OTUD4: variants seen among roughly 807,000 people sequenced by gnomAD.
OTUD4 encodes OTU domain-containing protein 4.
Under a neutral mutation model 130.4 loss-of-function variants are expected in OTUD4, and 24 were observed. The ratio of observed to expected loss-of-function variants is 0.18; its 90% CI spans 0.13 to 0.26. OTUD4 has a LOEUF of 0.26. Ranked by LOEUF, OTUD4 falls within the 10% of genes least tolerant of loss-of-function variation. OTUD4 has a pLI of 1.00. For missense variants in OTUD4, 1,031 were observed against 1,329.4 expected, an observed-to-expected ratio of 0.78 and a Z score of 3.49; for synonymous variants, 420 against 472.5, an observed-to-expected ratio of 0.89 and a Z score of 1.44.
In OTUD4 at chr4:145,143,460, A is replaced by C; in HGVS notation, c.1603-15T>G. 6.5e-7 allele frequency: 1 copy of C among 1,527,874 alleles called. No homozygotes were observed. The highest frequency in any genetic ancestry group is 1.7e-4 in the Middle Eastern group (1 of 5,800). 94.6% of individuals were successfully genotyped at this position (1,527,874 alleles called of 1,614,324 possible). ...TCAGTAATATTCTTTGGAAGCAAAAAAGAAGCAAAGTTTTGTATTTCAGAG... is the reference window on the plus strand; with the variant it reads ...TCAGTAATATTCTTTGGAAGCAAAACAGAAGCAAAGTTTTGTATTTCAGAG... On this transcript the variant is annotated splice_polypyrimidine_tract_variant and intron_variant, in intron 16 of 20. Transcript: ENST00000447906.
chr4:145,155,156 T>C (rs1751227367), intron 10 of OTUD4, among the ~76,000 whole-genome samples: 2 of 152,224 alleles, frequency 1.3e-5, no homozygotes, highest in Non-Finnish European at 2.9e-5. Context: ...TTGAACCAAG[T>C]AATACCAAAG....
chr4:145,163,118 AATC>A (rs1289836278), intron 5 of OTUD4, among the ~76,000 whole-genome samples: 1 of 152,222 alleles, frequency 6.6e-6, no homozygotes. Context: ...TGATTTTCTA[AATC>A]ATCACTTATA....
intron 3 of OTUD4, among the ~76,000 whole-genome samples, chr4:145,165,844 G>A (rs1420079693): frequency 6.6e-6 from 1 of 152,158 alleles, no homozygotes; most frequent in Non-Finnish European, 1.5e-5. Flanking sequence ...CCTGGCACAT[G>A]GTATAAGCTC....
intron 6 of OTUD4, among the ~76,000 whole-genome samples, chr4:145,161,848 C>G (rs1262395597): frequency 6.6e-6 from 1 of 152,186 alleles, no homozygotes; most frequent in Non-Finnish European, 1.5e-5. Context: ...TCAAGCTATA[C>G]ACTAACAGTT....
chr4:145,157,610 C>T (rs960571623), intron 7 of OTUD4, among the ~76,000 whole-genome samples: 3 of 144,164 alleles, frequency 2.1e-5, no homozygotes, highest in African/African-American at 7.8e-5. Flanking sequence ...CTTGAACCCG[C>T]GAGGCGGAGG....
At chr4:145,158,631 C>A (rs1018233381) in intron 7 of OTUD4, among the ~76,000 whole-genome samples, 4 of 152,116 alleles carry the variant, frequency 2.6e-5, no homozygotes, top group Non-Finnish European at 4.4e-5. Context: ...GTGTAACATA[C>A]CAAGTACAAT....
rs1279025799 is a variant in OTUD4, at chr4:145,136,241, G to A, written c.*1189C>T. 6.6e-6 allele frequency: 1 copy of A among 152,408 alleles called. No individual in the cohort carries two copies. 9.4% of individuals were successfully genotyped at this position (152,408 alleles called of 1,614,324 possible). A position where few individuals can be genotyped will look rare whatever the true frequency, so the allele number is the denominator to read the frequency against. On this transcript the variant is annotated 3_prime_UTR_variant, in exon 21 of 21. Transcript: ENST00000447906. ...ATGAGAACAGAGTGCAACATGCAAA[G>A]GGAACCTCTAGTGAATACTGCAAAG...
chr4:145,164,335 CCA>C, intron 4 of OTUD4, 109 bp from the exon 5 acceptor site: 4 of 499,454 alleles, frequency 8.0e-6, no homozygotes, highest in Non-Finnish European at 1.5e-5. Context: ...ACTGTCCCAA[CCA>C]CTGGAGATAC....
chr4:145,143,931 G>A lies in OTUD4; in HGVS notation c.1602+15C>T. The A allele has an allele frequency of 1.3e-6, 2 of 1,595,412 alleles. No individual in the cohort carries two copies. Among genetic ancestry groups the A allele is most frequent in the Non-Finnish European group, 1.7e-6 (2 of 1,163,306 alleles). On this transcript the variant is annotated intron_variant, in intron 16 of 20. Transcript: ENST00000447906. ...AGGAAAAAGAAAAGATGCAAGTAGT[G>A]TTTAAAACTTTTACCTCCAATGTGC...
intron 3 of OTUD4, among the ~76,000 whole-genome samples, chr4:145,170,338 C>T (rs1018409977): frequency 6.6e-5 from 10 of 152,196 alleles, no homozygotes; most frequent in African/African-American, 2.4e-4. Flanking sequence ...CTCACCACTT[C>T]TTATCTTCAC....
chr4:145,179,575 T>C, intron 1 of OTUD4: 1 of 1,346,076 alleles, frequency 7.4e-7, no homozygotes, highest in Non-Finnish European at 9.5e-7. Context: ...CCTCAACTCA[T>C]TACCTCTTCA....
chr4:145,161,088 C>A (rs989547414), intron 6 of OTUD4, among the ~76,000 whole-genome samples: 1 of 151,376 alleles, frequency 6.6e-6, no homozygotes, highest in Non-Finnish European at 1.5e-5. Context: ...CCAGCCTAGG[C>A]GAGAGAGCAA....
chr4:145,152,995 G>A (rs7694669), intron 10 of OTUD4, among the ~76,000 whole-genome samples: 150,303 of 152,162 alleles, frequency 0.99, 74,257 homozygotes, highest in East Asian at 1. Flanking sequence ...TAGGCCTCCC[G>A]AAGTGCTGGG....
rs1482889572 is a variant in OTUD4 at position 145,155,930 on chromosome 4, A to G, written c.690+6T>C. On this transcript the variant is annotated splice_donor_region_variant and intron_variant, in intron 8 of 20. Coordinates refer to ENST00000447906, the MANE Select transcript of OTUD4 (RefSeq NM_001366057.1). ...CTACATTTAAAACCACTTTTAAAAA[A>G]AATACCTCATTGCCTGACAAAGGTT... 1 of 1,601,834 alleles carries G rather than the reference A, an allele frequency of 6.2e-7. No homozygotes were observed. The highest frequency in any genetic ancestry group is 8.5e-7 in the Non-Finnish European group (1 of 1,174,716).
In OTUD4 at chr4:145,159,654, A is replaced by G. The variant is rs757622479; in HGVS notation, c.497-19T>C. The G allele has an allele frequency of 3.1e-6, 5 of 1,609,964 alleles. No homozygotes were observed. The South Asian group carries it at 5.5e-5, about 18-fold the overall frequency. The stretch of plus-strand genomic sequence containing the variant: ...AGGAGAGCTGCAATTAATGACAGAC[A>G]GATTTTCCAACATTAACTACAGGCA... On this transcript the variant is annotated intron_variant, in intron 6 of 20. Transcript: ENST00000447906.
chr4:145,156,361 A>G (rs1478110175), intron 7 of OTUD4, among the ~76,000 whole-genome samples: 5 of 152,210 alleles, frequency 3.3e-5, no homozygotes, highest in Admixed American at 6.5e-5. Flanking sequence ...AAGTATCCAT[A>G]GGCAGATTCG....
chr4:145,169,148 A>G (rs1752027257), intron 3 of OTUD4, among the ~76,000 whole-genome samples: 2 of 152,214 alleles, frequency 1.3e-5, no homozygotes, highest in Non-Finnish European at 2.9e-5. Context: ...AAGAGGATTA[A>G]CTGCAAAAAG....
intron 12 of OTUD4, 46 bp from the exon 13 acceptor site, chr4:145,150,745 C>T: frequency 6.2e-7 from 1 of 1,602,968 alleles, no homozygotes; most frequent in Non-Finnish European, 8.5e-7. Context: ...ATATTATAAA[C>T]AATCCCAAGT....
intron 6 of OTUD4, among the ~76,000 whole-genome samples, chr4:145,162,422 C>T (rs550827246): frequency 2.6e-5 from 4 of 151,720 alleles, no homozygotes; most frequent in Admixed American, 6.5e-5. Context: ...GGCGTTGTGG[C>T]GGGCGCCCGT....
Sources: gnomAD v4.1 joint callset for allele counts (sites outside exome capture counted in the v4.1 genomes callset) on GRCh38, gnomAD v4.1.1 for gene constraint, MANE v1.5 for transcripts, NCBI Gene and HGNC (gene_info 2026-07-23, HGNC 2026-07-21) for gene names.